The following GPAT3 variants were observed in gnomAD, a reference collection of about 807,000 sequenced individuals.
The protein encoded by GPAT3 is glycerol-3-phosphate acyltransferase 3.
A neutral mutation model predicts 58.8 loss-of-function variants in GPAT3; 53 were observed. The observed-to-expected ratio is 0.90, with a 90% confidence interval of 0.72 to 1.13. The LOEUF (loss-of-function observed/expected upper bound fraction) is 1.13, where lower values mean the gene tolerates loss of function less well. Among genes scored for constraint, GPAT3 ranks in the 50% most tolerant of loss-of-function variants. The pLI is 0.00. For missense variants in GPAT3, 511 were observed against 527.6 expected (o/e 0.97, Z 0.31); for synonymous variants, 197 against 187.4 (o/e 1.05, Z -0.42).
chr4:83,597,258 G>T (rs993868945), intron 8 of GPAT3, among the ~76,000 whole-genome samples, 172 bp from the exon 9 acceptor site: 1 of 152,160 alleles, frequency 6.6e-6, no homozygotes, highest in Non-Finnish European at 1.5e-5. Context: ...AACCTGCTTA[G>T]TCAGAACTAT....
At chr4:83,587,458 G>C in intron 4 of GPAT3, 129 bp downstream of exon 4, 1 of 866,324 alleles carries the variant, frequency 1.2e-6, no homozygotes, top group Non-Finnish European at 1.7e-6. Flanking sequence ...ACGGAGTCTC[G>C]TACTGTCACC....
intron 11 of GPAT3, among the ~76,000 whole-genome samples, chr4:83,600,352 C>T (rs1336359579): frequency 1.3e-5 from 2 of 152,058 alleles, no homozygotes; most frequent in African/African-American, 2.4e-5. Flanking sequence ...CCCTCATGAC[C>T]TCATCTAACC....
intron 2 of GPAT3, among the ~76,000 whole-genome samples, chr4:83,547,246 C>CTTTT (rs10618385): frequency 2.8e-4 from 23 of 82,200 alleles, no homozygotes; most frequent in Non-Finnish European, 3.9e-4. Context: ...TTCTACTGCT[C>CTTTT]TTTTTTTTTT....
rs140718271 is a variant in GPAT3 at position 83,566,393 on chromosome 4, A to C, written c.209-15169A>C. 3.2e-3 allele frequency among the ~76,000 whole-genome samples: 472 copies of C among 148,686 alleles called. 1 individual carries two copies. Among genetic ancestry groups the C allele is most frequent in the Non-Finnish European group, 4.1e-3 (278 of 67,486 alleles). On this transcript the variant is annotated intron_variant, in intron 2 of 11. Transcript: ENST00000264409. ...GTTGTTCTTATTGCTTTTCCTATTTATTCTTTTTTTTAAAAAATTAATTAA... is the reference window on the plus strand; with the variant it reads ...GTTGTTCTTATTGCTTTTCCTATTTCTTCTTTTTTTTAAAAAATTAATTAA...
chr4:83,590,172 C>A (rs184584853), intron 5 of GPAT3, 27 bp from the exon 6 acceptor site: 2 of 1,600,638 alleles, frequency 1.2e-6, no homozygotes, highest in African/African-American at 2.7e-5. Context: ...TAGAAGACTT[C>A]GAATTTTCCA....
intron 1 of GPAT3, among the ~76,000 whole-genome samples, chr4:83,541,921 C>T (rs1277012404): frequency 1.3e-5 from 2 of 152,142 alleles, no homozygotes; most frequent in Non-Finnish European, 2.9e-5. Flanking sequence ...TTTGCATGTC[C>T]AAGTTTCCTC....
At chr4:83,539,697 T>C (rs1355613052) in intron 1 of GPAT3, among the ~76,000 whole-genome samples, 1 of 152,350 alleles carries the variant, frequency 6.6e-6, no homozygotes, top group African/African-American at 2.4e-5. Flanking sequence ...CGTAAGTCAC[T>C]GATATGGCAA....
chr4:83,598,285 C>T, intron 10 of GPAT3, 106 bp downstream of exon 10: 1 of 1,414,570 alleles, frequency 7.1e-7, no homozygotes, highest in Non-Finnish European at 9.6e-7. Context: ...GCTTTCTCAG[C>T]AAATGGGTCA....
intron 2 of GPAT3, among the ~76,000 whole-genome samples, chr4:83,569,979 C>T (rs942998842): frequency 6.6e-6 from 1 of 152,126 alleles, no homozygotes; most frequent in African/African-American, 2.4e-5. Flanking sequence ...TCTTTCTTCC[C>T]TCAAAGGTAG....
At chr4:83,545,340 G>A (rs185049537) in intron 2 of GPAT3, among the ~76,000 whole-genome samples, 85 of 152,130 alleles carry the variant, frequency 5.6e-4, no homozygotes, top group Middle Eastern at 3.4e-3. Context: ...ACTCAGAGTG[G>A]GGTCCTGAGG....
chr4:83,566,064 G>T (rs115896100), intron 2 of GPAT3, among the ~76,000 whole-genome samples: 3,041 of 152,262 alleles, frequency 0.02, 54 homozygotes, highest in Non-Finnish European at 0.031. Context: ...GTGGAATGCC[G>T]CCGAGCTGTT....
intron 2 of GPAT3, among the ~76,000 whole-genome samples, chr4:83,554,415 G>T (rs1318311909): frequency 6.6e-6 from 1 of 151,858 alleles, no homozygotes; most frequent in African/African-American, 2.4e-5. Context: ...CATATCTCCT[G>T]GTCTCTTTAT....
At chr4:83,543,395 T>C (rs1292370113) in intron 1 of GPAT3, among the ~76,000 whole-genome samples, 1 of 152,236 alleles carries the variant, frequency 6.6e-6, no homozygotes, top group African/African-American at 2.4e-5. Context: ...TTTTGAACTA[T>C]GATGTTAATA....
chr4:83,604,707 T>TTC lies in GPAT3; in HGVS notation c.1245_1246insTC (p.Lys416SerfsTer12), dbSNP rs767298450. ...AGAGAGCAAAGGTGAAGGACATCTT[T>TTC]AAGGAAGAGCAGCAGAAAAATTACA... On this transcript the variant is annotated frameshift_variant, in exon 12 of 12. Coordinates refer to ENST00000264409, the MANE Select transcript of GPAT3 (RefSeq NM_032717.5). LOFTEE classifies it high-confidence loss of function. 14 of 1,614,008 alleles carry TTC rather than the reference T, an allele frequency of 8.7e-6. No homozygotes were observed. Among genetic ancestry groups the TTC allele is most frequent in the Non-Finnish European group, 1.1e-5 (13 of 1,179,966 alleles).
At chr4:83,561,493 A>G (rs1725124427) in intron 2 of GPAT3, among the ~76,000 whole-genome samples, 1 of 152,124 alleles carries the variant, frequency 6.6e-6, no homozygotes, top group African/African-American at 2.4e-5. Context: ...CTGCTAAAAT[A>G]AAATAACATC....
chr4:83,587,344 T>C lies in GPAT3; in HGVS notation c.554+15T>C, dbSNP rs1726414860. 1 of 1,607,268 alleles carries C rather than the reference T, an allele frequency of 6.2e-7. No homozygotes were observed. The highest frequency in any genetic ancestry group is 8.5e-7 in the Non-Finnish European group (1 of 1,174,450). On this transcript the variant is annotated intron_variant, in intron 4 of 11. Transcript: ENST00000264409. ...CCAGACAGCAGGTGAAATGTTTCCTTCCATCCAGCCATATATAGGACTGTC... is the reference window on the plus strand; with the variant it reads ...CCAGACAGCAGGTGAAATGTTTCCTCCCATCCAGCCATATATAGGACTGTC...
In GPAT3 at chr4:83,554,184, G is replaced by C. The variant is rs570967509; in HGVS notation, c.208+9582G>C. Among the ~76,000 whole-genome samples the C allele has an allele frequency of 2.2e-3, 327 of 151,974 alleles. 1 individual carries two copies. The highest frequency in any genetic ancestry group is 7.4e-3 in the African/African-American group (306 of 41,452). ...AATTTTTTCCTTTTTGTAGAGGCGG[G>C]GTCTCATTATGTTGTCCAGCCATGT... On this transcript the variant is annotated intron_variant, in intron 2 of 11. Transcript: ENST00000264409.
At chr4:83,598,585 A>G in intron 10 of GPAT3, 59 bp from the exon 11 acceptor site, 1 of 1,280,372 alleles carries the variant, frequency 7.8e-7, no homozygotes, top group South Asian at 1.2e-5. Flanking sequence ...TGATTATGAG[A>G]TGGTATTAAA....
chr4:83,597,958 A>T, intron 9 of GPAT3, 93 bp from the exon 10 acceptor site: 1 of 1,446,590 alleles, frequency 6.9e-7, no homozygotes, highest in South Asian at 1.2e-5. Flanking sequence ...TTAGAGTCTG[A>T]TAAAGCTGTT....
Sources: gnomAD v4.1 joint callset for allele counts (sites outside exome capture counted in the v4.1 genomes callset) on GRCh38, gnomAD v4.1.1 for gene constraint, MANE v1.5 for transcripts, NCBI Gene and HGNC (gene_info 2026-07-23, HGNC 2026-07-21) for gene names.